Variants in AKAP6 observed in about 807,000 individuals in gnomAD.
AKAP6 encodes A-kinase anchoring protein 6, also known as A-kinase anchor protein 6.
In AKAP6, 58 loss-of-function variants were observed where a neutral mutation model predicts 188.5. That is an observed-to-expected ratio of 0.31 (90% CI 0.25 to 0.38). The LOEUF (loss-of-function observed/expected upper bound fraction) is 0.38, where lower values mean the gene tolerates loss of function less well. AKAP6 is among the 10% of genes least tolerant of loss of function. The pLI is 1.00. For synonymous variants in AKAP6, 989 were observed against 998.6 expected (o/e 0.99, Z 0.18); for missense variants, 2,710 against 2,740.0 (o/e 0.99, Z 0.24).
intron 9 of AKAP6, among the ~76,000 whole-genome samples, chr14:32,729,463 A>G (rs1417339814): frequency 3.9e-5 from 6 of 152,180 alleles, no homozygotes; most frequent in Non-Finnish European, 8.8e-5. Context: ...AGAATTTTCT[A>G]CAACTTCTTT....
At chr14:32,625,832 A>G (rs975478691) in intron 7 of AKAP6, among the ~76,000 whole-genome samples, 3 of 152,076 alleles carry the variant, frequency 2.0e-5, no homozygotes, top group African/African-American at 7.2e-5. Flanking sequence ...AGCACCCTTT[A>G]AACCAAAGGG....
intron 10 of AKAP6, 58 bp from the exon 11 acceptor site, chr14:32,735,600 C>T (rs560046051): frequency 1.7e-5 from 22 of 1,310,340 alleles, no homozygotes; most frequent in Admixed American, 2.5e-5. Context: ...TTTTGTTGTT[C>T]GTGGGGTTTT....
chr14:32,572,354 A>G (rs12589507), intron 4 of AKAP6, among the ~76,000 whole-genome samples: 38,385 of 152,126 alleles, frequency 0.25, 5,146 homozygotes, highest in East Asian at 0.58. Context: ...CTTTATTTTA[A>G]TCTATAATTA....
chr14:32,399,635 T>G (rs138204022), intron 1 of AKAP6, among the ~76,000 whole-genome samples: 104 of 152,310 alleles, frequency 6.8e-4, no homozygotes, highest in African/African-American at 2.4e-3. Flanking sequence ...TCAGGTTCTC[T>G]GACAACTTCT....
intron 12 of AKAP6, among the ~76,000 whole-genome samples, chr14:32,806,929 T>C (rs957826789): frequency 5.3e-5 from 8 of 150,894 alleles, no homozygotes; most frequent in African/African-American, 1.9e-4. Flanking sequence ...TGGCTCACAC[T>C]TGTAGTCCCA....
intron 7 of AKAP6, among the ~76,000 whole-genome samples, chr14:32,676,434 A>G (rs529659336): frequency 6.6e-6 from 1 of 152,248 alleles, no homozygotes; most frequent in South Asian, 2.1e-4. Context: ...TGTGCTGTTA[A>G]CATTCTGCAT....
intron 7 of AKAP6, among the ~76,000 whole-genome samples, chr14:32,642,775 C>T (rs1034151011): frequency 3.3e-5 from 5 of 152,044 alleles, no homozygotes; most frequent in African/African-American, 7.2e-5. Flanking sequence ...ATTTTCATTT[C>T]GATGCACAAG....
chr14:32,649,198 T>G (rs1298809514), intron 7 of AKAP6, among the ~76,000 whole-genome samples: 1 of 152,106 alleles, frequency 6.6e-6, no homozygotes, highest in Non-Finnish European at 1.5e-5. Context: ...AATCAATATT[T>G]CTAGCATTTT....
chr14:32,429,728 A>G lies in AKAP6; in HGVS notation c.-34-3732A>G, dbSNP rs530998421. Among the ~76,000 whole-genome samples the G allele has an allele frequency of 8.5e-5, 13 of 152,330 alleles. No individual in the cohort carries two copies. In the East Asian group the frequency reaches 1.3e-3, roughly 16 times the overall value. On this transcript the variant is annotated intron_variant, in intron 1 of 13. Coordinates refer to ENST00000280979, the MANE Select transcript of AKAP6 (RefSeq NM_004274.5). The stretch of plus-strand genomic sequence containing the variant: ...GTAAAGCACGCTTTGTTTTATCTCT[A>G]TGGGTTATAGAAATTCTCTTGTGTG...
Position 32,497,144 on chromosome 14 carries a change from A to ATG in AKAP6, c.325-38404_325-38403dup, listed in dbSNP as rs1470206043. 2.0e-5 allele frequency among the ~76,000 whole-genome samples: 3 copies of ATG among 152,114 alleles called. No homozygotes were observed. In the East Asian group the frequency reaches 5.8e-4, roughly 29 times the overall value. On this transcript the variant is annotated intron_variant, in intron 2 of 13. Coordinates refer to ENST00000280979, the MANE Select transcript of AKAP6 (RefSeq NM_004274.5). ...CTCTGGATAGCTTGCCAGTAATCGAATGTGTGTCACAGTGTTAGGGTCTCT... is the reference window on the plus strand; with the variant it reads ...CTCTGGATAGCTTGCCAGTAATCGAATGTGTGTGTCACAGTGTTAGGGTCTCT...
intron 1 of AKAP6, among the ~76,000 whole-genome samples, chr14:32,329,699 A>G (rs770628589): frequency 5.3e-5 from 8 of 152,170 alleles, no homozygotes; most frequent in Admixed American, 2.0e-4. Context: ...AAAACCCCAG[A>G]TAAGCTTTAA....
intron 11 of AKAP6, among the ~76,000 whole-genome samples, chr14:32,754,235 G>C (rs74748803): frequency 0.025 from 3,756 of 151,866 alleles, 141 homozygotes; most frequent in African/African-American, 0.085. Flanking sequence ...ATGAATTTAC[G>C]CCTTTATCAT....
rs140951633 is a variant in AKAP6, at chr14:32,644,606, C to G, written c.2731-33705C>G. 5.4e-3 allele frequency among the ~76,000 whole-genome samples: 823 copies of G among 152,216 alleles called. 10 individuals are homozygous for G. The highest frequency in any genetic ancestry group is 0.018 in the African/African-American group (761 of 41,538). Reference sequence around the variant, plus strand: ...AGTTTGCTATAAAGTTGCACAAAGTCTGTATAACAAGGCCGTGGATGGCTT... The same window carrying G: ...AGTTTGCTATAAAGTTGCACAAAGTGTGTATAACAAGGCCGTGGATGGCTT... On this transcript the variant is annotated intron_variant, in intron 7 of 13. Coordinates refer to ENST00000280979, the MANE Select transcript of AKAP6 (RefSeq NM_004274.5).
At chr14:32,510,320 T>G (rs1020215431) in intron 2 of AKAP6, among the ~76,000 whole-genome samples, 1 of 149,378 alleles carries the variant, frequency 6.7e-6, no homozygotes, top group Admixed American at 6.8e-5. Flanking sequence ...TATTCCATGT[T>G]CCTATAATAA....
chr14:32,740,491 G>A (rs1041375127), intron 11 of AKAP6, among the ~76,000 whole-genome samples: 4 of 151,904 alleles, frequency 2.6e-5, no homozygotes, highest in Non-Finnish European at 4.4e-5. Context: ...TCTTGTATTA[G>A]TTTCATAGTT....
At chr14:32,345,814 C>T (rs989809477) in intron 1 of AKAP6, among the ~76,000 whole-genome samples, 6 of 152,128 alleles carry the variant, frequency 3.9e-5, no homozygotes, top group Non-Finnish European at 7.3e-5. Context: ...CATTTGAGCA[C>T]AAGACCACTG....
chr14:32,717,566 T>G (rs1260435493), intron 9 of AKAP6, among the ~76,000 whole-genome samples: 1 of 151,832 alleles, frequency 6.6e-6, no homozygotes, highest in Admixed American at 6.6e-5. Flanking sequence ...CTCCAAATTT[T>G]CACTTCTTCC....
At chr14:32,716,531 T>C (rs1457363981) in intron 9 of AKAP6, among the ~76,000 whole-genome samples, 26 of 149,880 alleles carry the variant, frequency 1.7e-4, no homozygotes, top group Non-Finnish European at 1.5e-5. Flanking sequence ...TAGTATATAC[T>C]ACATATATAC....
At chr14:32,736,736 G>C (rs2300832) in intron 11 of AKAP6, among the ~76,000 whole-genome samples, 2 of 152,024 alleles carry the variant, frequency 1.3e-5, no homozygotes, top group Non-Finnish European at 2.9e-5. Context: ...TCAAAGCATC[G>C]TAGGACCAGG....
Sources: allele counts gnomAD v4.1 joint callset (sites outside exome capture counted in the v4.1 genomes callset), GRCh38; gene constraint gnomAD v4.1.1; transcripts MANE v1.5; gene names NCBI Gene and HGNC (gene_info 2026-07-23, HGNC 2026-07-21).